SLC38A1: variants seen among roughly 807,000 people sequenced by gnomAD.
The protein encoded by SLC38A1 is solute carrier family 38 member 1, also known as sodium-coupled neutral amino acid symporter 1.
A neutral mutation model predicts 60.3 loss-of-function variants in SLC38A1; 18 were observed. The observed-to-expected ratio is 0.30, with a 90% CI of 0.21 to 0.44. The LOEUF (loss-of-function observed/expected upper bound fraction) is 0.44, where lower values mean the gene tolerates loss of function less well. Ranked by LOEUF, SLC38A1 falls within the 20% of genes least tolerant of loss-of-function variation. SLC38A1 has a pLI of 1.00. For synonymous variants in SLC38A1, 196 were observed against 212.1 expected (o/e 0.92, Z 0.66); for missense variants, 448 against 587.2 (o/e 0.76, Z 2.45).
chr12:46,199,129 G>T lies in SLC38A1; in HGVS notation c.1004-386C>A, dbSNP rs373209628. On this transcript the variant is annotated intron_variant, in intron 13 of 16. Coordinates refer to ENST00000398637, the MANE Select transcript of SLC38A1 (RefSeq NM_030674.4). ...TGCCACAGGCTTGCTCAGGGAGGGG[G>T]TGGGGTGGGGAGAGCTACAAGCCAC... is the stretch of plus-strand genomic sequence containing the variant. 3.3e-5 allele frequency among the ~76,000 whole-genome samples: 5 copies of T among 152,004 alleles called. No individual in the cohort carries two copies. In the East Asian group the frequency reaches 7.8e-4, roughly 24 times the overall value.
At chr12:46,250,069 A>G (rs1044807530) in intron 1 of SLC38A1, among the ~76,000 whole-genome samples, 4 of 152,236 alleles carry the variant, frequency 2.6e-5, no homozygotes, top group Non-Finnish European at 5.9e-5. Context: ...CCTGATGAAC[A>G]TTGATGTGAA....
chr12:46,249,837 C>T (rs1941771667), intron 1 of SLC38A1, among the ~76,000 whole-genome samples: 1 of 152,118 alleles, frequency 6.6e-6, no homozygotes, highest in South Asian at 2.1e-4. Context: ...GAAATTGAGG[C>T]AATAATTAAT....
In SLC38A1 at chr12:46,228,724, C is replaced by T. The variant is rs547624980; in HGVS notation, c.314+429G>A. On this transcript the variant is annotated intron_variant, in intron 5 of 16. Transcript: ENST00000398637. Reference sequence around the variant, plus strand: ...CTTCAAAACACTGAAAATTTCTATGCTTCTTGAATATTTATTACAAACAAA... The same window carrying T: ...CTTCAAAACACTGAAAATTTCTATGTTTCTTGAATATTTATTACAAACAAA... 3.3e-5 allele frequency among the ~76,000 whole-genome samples: 5 copies of T among 152,252 alleles called. No homozygotes were observed. The South Asian group carries it at 1.0e-3, about 32-fold the overall frequency.
intron 3 of SLC38A1, among the ~76,000 whole-genome samples, chr12:46,232,608 G>T (rs1486127194): frequency 6.6e-6 from 1 of 152,236 alleles, no homozygotes; most frequent in East Asian, 1.9e-4. Flanking sequence ...GAAAAGTGGG[G>T]ACTGGACTTT....
intron 1 of SLC38A1, among the ~76,000 whole-genome samples, chr12:46,254,596 T>A (rs1941962522): frequency 6.6e-6 from 1 of 152,220 alleles, no homozygotes; most frequent in Non-Finnish European, 1.5e-5. Context: ...TAAATTTCTC[T>A]CCTTTTGAGG....
At chr12:46,229,290 G>T (rs370447330) in intron 4 of SLC38A1, 22 bp from the exon 5 acceptor site, 5 of 1,490,478 alleles carry the variant, frequency 3.4e-6, no homozygotes, top group South Asian at 1.1e-5. Flanking sequence ...AACAAACATT[G>T]ACACTAAGCA....
intron 3 of SLC38A1, 73 bp from the exon 4 acceptor site, chr12:46,229,712 G>A (rs2137931296): frequency 7.7e-7 from 1 of 1,302,196 alleles, no homozygotes; most frequent in Non-Finnish European, 1.1e-6. Flanking sequence ...TAAATGATAT[G>A]TTACTCATCA....
chr12:46,234,689 C>T (rs997761436), intron 3 of SLC38A1, among the ~76,000 whole-genome samples: 5 of 152,062 alleles, frequency 3.3e-5, no homozygotes, highest in South Asian at 2.1e-4. Context: ...CCTCGTGATC[C>T]GCCCGCCTCG....
intron 3 of SLC38A1, among the ~76,000 whole-genome samples, chr12:46,235,545 A>G (rs1337959229): frequency 6.6e-6 from 1 of 152,224 alleles, no homozygotes; most frequent in Non-Finnish European, 1.5e-5. Flanking sequence ...AAAATAGGAA[A>G]AAAAGACTTT....
chr12:46,207,473 C>T (rs1413771337), intron 7 of SLC38A1, 56 bp downstream of exon 7: 14 of 1,471,276 alleles, frequency 9.5e-6, no homozygotes, highest in African/African-American at 8.3e-5. Context: ...TTCATGTGGC[C>T]GCTCATCCAC....
intron 14 of SLC38A1, among the ~76,000 whole-genome samples, chr12:46,198,278 G>A (rs1259119493): frequency 6.6e-6 from 1 of 151,754 alleles, no homozygotes; most frequent in Non-Finnish European, 1.5e-5. Context: ...CTTGTTGGGG[G>A]GTGTAATTTC....
chr12:46,206,610 T>TAG (rs915753369), intron 8 of SLC38A1, among the ~76,000 whole-genome samples: 1 of 152,132 alleles, frequency 6.6e-6, no homozygotes, highest in Non-Finnish European at 1.5e-5. Context: ...CTGAGAACAC[T>TAG]AGAGACTCTG....
At chr12:46,253,523 C>A (rs181331480) in intron 1 of SLC38A1, among the ~76,000 whole-genome samples, 294 of 152,276 alleles carry the variant, frequency 1.9e-3, no homozygotes, top group African/African-American at 6.8e-3. Flanking sequence ...GCAGTGAGGA[C>A]GACCAGAGGT....
Position 46,183,371 on chromosome 12 carries a change from G to A in SLC38A1, c.*5599C>T, listed in dbSNP as rs1938831386. 1 of 152,044 alleles carries A rather than the reference G, an allele frequency of 6.6e-6. No individual in the cohort carries two copies. Among genetic ancestry groups the A allele is most frequent in the South Asian group, 2.1e-4 (1 of 4,824 alleles). The allele number at this position is 152,044 out of a possible 1,614,324, so 9.4% of individuals were successfully genotyped here. A position where few individuals can be genotyped will look rare whatever the true frequency, so the allele number is the denominator to read the frequency against. On this transcript the variant is annotated 3_prime_UTR_variant, in exon 17 of 17. Transcript: ENST00000398637. ...AACGACCAAGATTCAAGTGTTTGGG[G>A]AAAAAAATACCTTAGACAGTCTATG...
chr12:46,220,432 A>G (rs1940612803), intron 5 of SLC38A1, among the ~76,000 whole-genome samples: 1 of 152,256 alleles, frequency 6.6e-6, no homozygotes, highest in African/African-American at 2.4e-5. Context: ...TGGCAAGAGG[A>G]AAGATGAATG....
rs185577118 is a variant in SLC38A1 at position 46,198,932 on chromosome 12, C to T, written c.1004-189G>A. Among the ~76,000 whole-genome samples, 432 of 152,260 alleles carry T rather than the reference C, an allele frequency of 2.8e-3. 3 individuals carry two copies. The highest frequency in any genetic ancestry group is 1.0e-2 in the African/African-American group (415 of 41,536). On this transcript the variant is annotated intron_variant, in intron 13 of 16. Transcript: ENST00000398637. Reference sequence around the variant, plus strand: ...GACATGCTCCACTGTGCATACGCGACTTAGCAAAGAAATTTAAAGTAATCA... The same window carrying T: ...GACATGCTCCACTGTGCATACGCGATTTAGCAAAGAAATTTAAAGTAATCA...
intron 5 of SLC38A1, among the ~76,000 whole-genome samples, chr12:46,213,462 T>C (rs1940267812): frequency 1.3e-5 from 2 of 152,262 alleles, no homozygotes; most frequent in South Asian, 4.1e-4. Flanking sequence ...ACTTCATATC[T>C]TAAGTGTACC....
At chr12:46,210,890 T>G (rs1195533287) in intron 5 of SLC38A1, among the ~76,000 whole-genome samples, 1 of 152,088 alleles carries the variant, frequency 6.6e-6, no homozygotes, top group South Asian at 2.1e-4. Context: ...AGCATGAAAA[T>G]GGACTAATAC....
At chr12:46,254,780 AATAACT>A (rs1941967542) in intron 1 of SLC38A1, 1 of 152,868 alleles carries the variant, frequency 6.5e-6, no homozygotes, top group East Asian at 1.9e-4. Context: ...CACTTATGCA[AATAACT>A]ATATTGCTAA....
Sources: gnomAD v4.1 joint callset for allele counts (sites outside exome capture counted in the v4.1 genomes callset) on GRCh38, gnomAD v4.1.1 for gene constraint, MANE v1.5 for transcripts, NCBI Gene and HGNC (gene_info 2026-07-23, HGNC 2026-07-21) for gene names.